Variants in LOC400499 observed in about 807,000 individuals in gnomAD.
At chr16:11,501,837 C>T in the LOC400499 span, among the ~76,000 whole-genome samples, 2 of 152,174 alleles carry the variant, frequency 1.3e-5, no homozygotes, top group Non-Finnish European at 2.9e-5. Flanking sequence ...CCGCCAGGCC[C>T]TTCAGCTTCT....
At chr16:11,445,924 C>T in the LOC400499 span, among the ~76,000 whole-genome samples, 3 of 150,598 alleles carry the variant, frequency 2.0e-5, no homozygotes, top group African/African-American at 7.3e-5. Context: ...ACCTCTGCCT[C>T]CTGGGTTCTC....
At chr16:11,388,128 A>G in the LOC400499 span, among the ~76,000 whole-genome samples, 7 of 152,216 alleles carry the variant, frequency 4.6e-5, no homozygotes, top group African/African-American at 1.7e-4. Context: ...GCTTACTTCT[A>G]GGAACCCAGA....
At chr16:11,378,214 G>A in the LOC400499 span, among the ~76,000 whole-genome samples, 3 of 141,630 alleles carry the variant, frequency 2.1e-5, no homozygotes, top group Admixed American at 7.6e-5. Context: ...TAGGATTATA[G>A]AACAGTGTCA....
chr16:11,460,075 G>A, the LOC400499 span: 5 of 1,351,002 alleles, frequency 3.7e-6, no homozygotes, highest in Non-Finnish European at 4.8e-6. Context: ...CATGGGTGGT[G>A]AACTGCCCAT....
At chr16:11,508,828 A>G in the LOC400499 span, 3 of 398,970 alleles carry the variant, frequency 7.5e-6, no homozygotes, top group African/African-American at 6.2e-5. Flanking sequence ...GCTTGGGGTC[A>G]TGTCTTCATC....
the LOC400499 span, among the ~76,000 whole-genome samples, chr16:11,379,488 T>C: frequency 6.6e-6 from 1 of 152,264 alleles, no homozygotes; most frequent in Non-Finnish European, 1.5e-5. Flanking sequence ...TCTTATTTCA[T>C]CCTTTCACTT....
chr16:11,374,133 C>T, the LOC400499 span, among the ~76,000 whole-genome samples: 1 of 152,156 alleles, frequency 6.6e-6, no homozygotes, highest in Non-Finnish European at 1.5e-5. Flanking sequence ...CTGCTGAAAT[C>T]TATAATCTGT....
chr16:11,460,587 C>T, the LOC400499 span: 194 of 1,534,406 alleles, frequency 1.3e-4, no homozygotes, highest in African/African-American at 9.3e-4. Context: ...GTGCTGCACT[C>T]GTGTGCCGCC....
the LOC400499 span, chr16:11,515,844 G>GGGCCC: frequency 1.4e-5 from 5 of 360,974 alleles, no homozygotes; most frequent in South Asian, 5.3e-4. Context: ...CAGCAGTCAG[G>GGGCCC]GGCCCGGCCC....
the LOC400499 span, among the ~76,000 whole-genome samples, chr16:11,469,871 T>G: frequency 2.0e-5 from 3 of 152,162 alleles, no homozygotes; most frequent in Non-Finnish European, 1.5e-5. Flanking sequence ...GCGGCTGCGG[T>G]GCACACTCCT....
the LOC400499 span, chr16:11,489,017 G>A: frequency 7.6e-6 from 3 of 395,280 alleles, no homozygotes; most frequent in Non-Finnish European, 8.9e-6. Flanking sequence ...AGAGACCTAC[G>A]TCTTCTCTCA....
the LOC400499 span, among the ~76,000 whole-genome samples, chr16:11,451,360 A>T: frequency 6.6e-6 from 1 of 152,204 alleles, no homozygotes; most frequent in Admixed American, 6.5e-5. Context: ...CAGGAGGATC[A>T]CTTGAGTCTA....
chr16:11,399,731 C>G, the LOC400499 span: 1 of 398,818 alleles, frequency 2.5e-6, no homozygotes, highest in African/African-American at 2.1e-5. Context: ...AGGCAGCCGT[C>G]CCAGGCGGTG....
At chr16:11,437,234 G>A in the LOC400499 span, among the ~76,000 whole-genome samples, 1 of 152,162 alleles carries the variant, frequency 6.6e-6, no homozygotes, top group Non-Finnish European at 1.5e-5. Flanking sequence ...ATGCCGTAAT[G>A]GCAGATCCAT....
At chr16:11,506,027 A>AT in the LOC400499 span, among the ~76,000 whole-genome samples, 1 of 151,802 alleles carries the variant, frequency 6.6e-6, no homozygotes, top group East Asian at 2.0e-4. Flanking sequence ...AAACAACTTT[A>AT]TTTATTTTAT....
chr16:11,438,248 C>G, the LOC400499 span, among the ~76,000 whole-genome samples: 1 of 152,168 alleles, frequency 6.6e-6, no homozygotes, highest in South Asian at 2.1e-4. Flanking sequence ...ATCTAAGATG[C>G]CAGCAGCTCT....
At chr16:11,389,025 T>G in the LOC400499 span, among the ~76,000 whole-genome samples, 1 of 152,180 alleles carries the variant, frequency 6.6e-6, no homozygotes, top group Non-Finnish European at 1.5e-5. Flanking sequence ...AGGCAGAGGT[T>G]GCAGTGAGCT....
the LOC400499 span, among the ~76,000 whole-genome samples, chr16:11,436,765 T>C: frequency 2.3e-4 from 35 of 151,874 alleles, no homozygotes; most frequent in Admixed American, 7.2e-4. Context: ...TTTTTTTTTT[T>C]GTATTTTTAG....
At chr16:11,493,466 C>A in the LOC400499 span, among the ~76,000 whole-genome samples, 2 of 152,144 alleles carry the variant, frequency 1.3e-5, no homozygotes, top group South Asian at 2.1e-4. Flanking sequence ...AAATAATCTG[C>A]TTCCCACACT....
Sources: allele counts gnomAD v4.1 joint callset (sites outside exome capture counted in the v4.1 genomes callset), GRCh38; gene constraint gnomAD v4.1.1; transcripts MANE v1.5.